Variants in FHIT observed in about 807,000 individuals in gnomAD.
FHIT encodes the protein bis(5'-adenosyl)-triphosphatase.
In FHIT, 19 loss-of-function variants were observed where a neutral mutation model predicts 17.9. The observed-to-expected ratio is 1.06, with a 90% CI of 0.74 to 1.56. The LOEUF is 1.56. FHIT is among the 40% of genes most tolerant of loss of function. The pLI is 0.00. For synonymous variants in FHIT, 81 were observed against 69.7 expected, an observed-to-expected ratio of 1.16 and a Z score of -0.81; for missense variants, 248 against 189.2, an observed-to-expected ratio of 1.31 and a Z score of -1.82.
At chr3:59,987,045 A>G (rs1405899810) in intron 7 of FHIT, among the ~76,000 whole-genome samples, 1 of 102,302 alleles carries the variant, frequency 9.8e-6, no homozygotes, top group East Asian at 3.0e-4. Flanking sequence ...TATAAAATAT[A>G]TAAAAATATA....
intron 3 of FHIT, among the ~76,000 whole-genome samples, chr3:60,935,713 A>G (rs1166214244): frequency 2.6e-5 from 4 of 152,226 alleles, no homozygotes; most frequent in Non-Finnish European, 4.4e-5. Flanking sequence ...ATTTTCTCAG[A>G]TAAGAATTAG....
chr3:61,098,651 T>C (rs2035719065), intron 2 of FHIT, among the ~76,000 whole-genome samples: 2 of 152,216 alleles, frequency 1.3e-5, no homozygotes, highest in African/African-American at 4.8e-5. Flanking sequence ...TAGTTCCCCT[T>C]GTGGAGATCT....
At chr3:60,143,793 T>C (rs1420404913) in intron 5 of FHIT, among the ~76,000 whole-genome samples, 1 of 152,122 alleles carries the variant, frequency 6.6e-6, no homozygotes, top group Non-Finnish European at 1.5e-5. Context: ...CAACAATTAA[T>C]ATAAATTAAA....
intron 5 of FHIT, among the ~76,000 whole-genome samples, chr3:60,162,881 C>G (rs1343061859): frequency 6.6e-6 from 1 of 152,126 alleles, no homozygotes; most frequent in Admixed American, 6.6e-5. Context: ...GTAAACATTT[C>G]AACCACAAGA....
At position 59,867,356 on chromosome 3, in the gene FHIT, C is replaced by T. The variant is rs77923409; in HGVS notation, c.348+54990G>A. The stretch of plus-strand genomic sequence containing the variant: ...ATGCAAGATCAAAACATAATAACCA[C>T]ATTCATTCTTAATCAGCATTACAGT... On this transcript the variant is annotated intron_variant, in intron 8 of 9. Transcript: ENST00000492590. Among the ~76,000 whole-genome samples, 135 of 151,538 alleles carry T rather than the reference C, an allele frequency of 8.9e-4. 1 individual carries two copies. In the East Asian group the frequency reaches 0.011, roughly 12 times the overall value.
intron 3 of FHIT, among the ~76,000 whole-genome samples, chr3:60,973,563 A>G (rs1710115622): frequency 2.0e-5 from 3 of 152,156 alleles, no homozygotes; most frequent in Admixed American, 2.0e-4. Flanking sequence ...CTGGTCAGGA[A>G]AGAATTTAAG....
At chr3:60,251,233 A>G (rs1705694422) in intron 5 of FHIT, among the ~76,000 whole-genome samples, 2 of 152,222 alleles carry the variant, frequency 1.3e-5, no homozygotes, top group Admixed American at 1.3e-4. Flanking sequence ...GGTCAATAGC[A>G]CTTGAGTATC....
intron 5 of FHIT, among the ~76,000 whole-genome samples, chr3:60,420,662 G>T (rs1478584111): frequency 1.3e-5 from 2 of 151,952 alleles, no homozygotes; most frequent in African/African-American, 4.8e-5. Flanking sequence ...TTTCTCTCTG[G>T]CAAACTGCTC....
intron 5 of FHIT, among the ~76,000 whole-genome samples, chr3:60,036,988 T>A (rs1287397033): frequency 6.6e-6 from 1 of 152,214 alleles, no homozygotes; most frequent in Non-Finnish European, 1.5e-5. Flanking sequence ...GAAAGGAGAT[T>A]GACTTCCAAC....
At chr3:61,069,671 A>G (rs1354791373) in intron 2 of FHIT, among the ~76,000 whole-genome samples, 1 of 152,232 alleles carries the variant, frequency 6.6e-6, no homozygotes, top group Non-Finnish European at 1.5e-5. Context: ...ATTCAAGAAT[A>G]GCATCCTTTC....
chr3:61,072,576 C>G (rs775106538), intron 2 of FHIT, among the ~76,000 whole-genome samples: 1 of 152,186 alleles, frequency 6.6e-6, no homozygotes, highest in South Asian at 2.1e-4. Context: ...GAGGACAAGC[C>G]TGCAAAGAAA....
At chr3:59,790,528 C>G (rs762650423) in intron 8 of FHIT, among the ~76,000 whole-genome samples, 36 of 91,826 alleles carry the variant, frequency 3.9e-4, no homozygotes, top group East Asian at 1.3e-3. Flanking sequence ...CTCTCTCTCT[C>G]TGTGTGTGTG....
intron 8 of FHIT, among the ~76,000 whole-genome samples, chr3:59,878,749 C>A (rs542571134): frequency 3.9e-5 from 6 of 152,088 alleles, no homozygotes; most frequent in Non-Finnish European, 7.3e-5. Flanking sequence ...TATTGACGAG[C>A]GTTTAGAGAA....
intron 7 of FHIT, among the ~76,000 whole-genome samples, chr3:59,961,495 C>G (rs1238320001): frequency 6.6e-6 from 1 of 152,132 alleles, no homozygotes; most frequent in African/African-American, 2.4e-5. Flanking sequence ...AGTGTCTGTC[C>G]AAATGGCCAC....
intron 8 of FHIT, among the ~76,000 whole-genome samples, chr3:59,878,202 G>A (rs1352021): frequency 0.045 from 6,842 of 152,108 alleles, 202 homozygotes; most frequent in African/African-American, 0.085. Context: ...TTTCACTGCA[G>A]TTATGAAAAC....
chr3:60,411,725 A>C (rs1305538544), intron 5 of FHIT, among the ~76,000 whole-genome samples: 3 of 152,200 alleles, frequency 2.0e-5, no homozygotes, highest in African/African-American at 7.2e-5. Context: ...TTAACAAAAA[A>C]GAAAATGCTT....
intron 7 of FHIT, among the ~76,000 whole-genome samples, chr3:59,946,615 T>C (rs1320682388): frequency 6.6e-6 from 1 of 152,232 alleles, no homozygotes; most frequent in Non-Finnish European, 1.5e-5. Flanking sequence ...AGGGGAATGC[T>C]TCCAGCTTTT....
chr3:60,333,183 G>A (rs769272512), intron 5 of FHIT, among the ~76,000 whole-genome samples: 4 of 152,186 alleles, frequency 2.6e-5, no homozygotes, highest in Non-Finnish European at 5.9e-5. Flanking sequence ...GTTATCCAAT[G>A]CTGAACAATG....
At chr3:60,265,948 T>G (rs779137777) in intron 5 of FHIT, among the ~76,000 whole-genome samples, 3 of 151,934 alleles carry the variant, frequency 2.0e-5, no homozygotes, top group Admixed American at 2.0e-4. Flanking sequence ...TCAGAACCCT[T>G]ACATCTTGCA....
Sources: allele counts gnomAD v4.1 joint callset (sites outside exome capture counted in the v4.1 genomes callset), GRCh38; gene constraint gnomAD v4.1.1; transcripts MANE v1.5; gene names NCBI Gene and HGNC (gene_info 2026-07-23, HGNC 2026-07-21).